Variants in PPM1H observed in about 807,000 individuals in gnomAD.
PPM1H encodes protein phosphatase 1H.
Under a neutral mutation model 54.9 loss-of-function variants are expected in PPM1H, and 27 were observed. That is an observed-to-expected ratio of 0.49 (90% CI 0.36 to 0.68). The LOEUF (loss-of-function observed/expected upper bound fraction) is 0.68, where lower values mean the gene tolerates loss of function less well. Ranked by LOEUF, PPM1H falls within the 30% of genes least tolerant of loss-of-function variation. PPM1H has a pLI of 0.00. For missense variants in PPM1H, 596 were observed against 667.8 expected, an observed-to-expected ratio of 0.89 and a Z score of 1.19; for synonymous variants, 305 against 270.8, an observed-to-expected ratio of 1.13 and a Z score of -1.24.
intron 2 of PPM1H, among the ~76,000 whole-genome samples, chr12:62,816,982 T>A (rs1256950042): frequency 1.3e-5 from 2 of 151,488 alleles, no homozygotes; most frequent in African/African-American, 4.8e-5. Flanking sequence ...CACCCACCAA[T>A]AAGGGGCCTT....
intron 6 of PPM1H, among the ~76,000 whole-genome samples, chr12:62,698,878 T>C (rs2076128314): frequency 6.6e-6 from 1 of 152,204 alleles, no homozygotes; most frequent in Non-Finnish European, 1.5e-5. Context: ...TTGCCCTTAT[T>C]AATTTTATCT....
At chr12:62,698,191 G>C (rs1031981820) in intron 6 of PPM1H, among the ~76,000 whole-genome samples, 7 of 151,912 alleles carry the variant, frequency 4.6e-5, no homozygotes, top group African/African-American at 1.7e-4. Context: ...TACCCCAAGT[G>C]TAGGAATCCC....
At chr12:62,887,616 CTTATT>C (rs374001364) in intron 1 of PPM1H, among the ~76,000 whole-genome samples, 2 of 152,270 alleles carry the variant, frequency 1.3e-5, no homozygotes, top group East Asian at 3.9e-4. Flanking sequence ...TCTCATGGTG[CTTATT>C]TTATTTGTGG....
intron 8 of PPM1H, among the ~76,000 whole-genome samples, chr12:62,669,201 C>T (rs901610528): frequency 2.0e-5 from 3 of 152,344 alleles, no homozygotes; most frequent in South Asian, 4.1e-4. Flanking sequence ...CCTCAGTTTC[C>T]GGCAGACCAG....
intron 2 of PPM1H, among the ~76,000 whole-genome samples, chr12:62,818,441 T>C (rs2076883266): frequency 6.6e-6 from 1 of 152,178 alleles, no homozygotes; most frequent in Non-Finnish European, 1.5e-5. Flanking sequence ...GCTGGTTAAT[T>C]AAAAAGCCTT....
intron 2 of PPM1H, among the ~76,000 whole-genome samples, chr12:62,825,731 C>T (rs972075885): frequency 4.0e-5 from 6 of 151,884 alleles, no homozygotes; most frequent in African/African-American, 4.8e-5. Context: ...AGGGGCCTGT[C>T]GCGGAGTGTG....
At chr12:62,666,929 G>C (rs1036947321) in intron 9 of PPM1H, among the ~76,000 whole-genome samples, 1 of 152,124 alleles carries the variant, frequency 6.6e-6, no homozygotes, top group Non-Finnish European at 1.5e-5. Context: ...GGCCAGGCTG[G>C]TCTAGAACTC....
intron 2 of PPM1H, among the ~76,000 whole-genome samples, chr12:62,813,812 C>T (rs1165443667): frequency 2.0e-5 from 3 of 152,140 alleles, no homozygotes; most frequent in African/African-American, 7.2e-5. Flanking sequence ...CTAATGATAG[C>T]AGGAAGTCTT....
intron 9 of PPM1H, among the ~76,000 whole-genome samples, chr12:62,652,430 A>C (rs1184623434): frequency 6.6e-6 from 1 of 152,224 alleles, no homozygotes; most frequent in Non-Finnish European, 1.5e-5. Context: ...TGGCTAATTA[A>C]AACAAAATCC....
At chr12:62,862,938 A>G (rs1869651598) in intron 1 of PPM1H, among the ~76,000 whole-genome samples, 1 of 152,252 alleles carries the variant, frequency 6.6e-6, no homozygotes, top group South Asian at 2.1e-4. Context: ...GTAGAATAAT[A>G]TCAAATAACC....
chr12:62,774,079 G>A (rs557665109), intron 4 of PPM1H, among the ~76,000 whole-genome samples: 1 of 152,318 alleles, frequency 6.6e-6, no homozygotes, highest in Admixed American at 6.5e-5. Flanking sequence ...AAATAATAGA[G>A]GCAGGTCAGT....
chr12:62,781,168 G>A (rs1307053468), intron 4 of PPM1H, among the ~76,000 whole-genome samples: 1 of 152,202 alleles, frequency 6.6e-6, no homozygotes, highest in African/African-American at 2.4e-5. Flanking sequence ...AGCTACTCAG[G>A]CCTCAGAACT....
At chr12:62,738,143 T>C (rs910239786) in intron 4 of PPM1H, among the ~76,000 whole-genome samples, 1 of 152,172 alleles carries the variant, frequency 6.6e-6, no homozygotes, top group Non-Finnish European at 1.5e-5. Flanking sequence ...TATTTGACAG[T>C]GCAGCTCTAG....
At chr12:62,919,896 GA>G (rs1467198406) in intron 1 of PPM1H, among the ~76,000 whole-genome samples, 1 of 150,480 alleles carries the variant, frequency 6.6e-6, no homozygotes, top group African/African-American at 2.5e-5. Flanking sequence ...ATGGGGAGAA[GA>G]GGACAGGCAG....
intron 4 of PPM1H, among the ~76,000 whole-genome samples, chr12:62,777,611 T>C (rs190793691): frequency 2.4e-4 from 37 of 152,340 alleles, no homozygotes; most frequent in Non-Finnish European, 1.0e-4. Context: ...CTAACAGTTA[T>C]TTCAAATCTT....
intron 8 of PPM1H, among the ~76,000 whole-genome samples, chr12:62,676,199 C>T (rs982089576): frequency 2.0e-5 from 3 of 152,212 alleles, no homozygotes; most frequent in African/African-American, 7.2e-5. Context: ...CTTGAAGGTG[C>T]TGCTTCACAC....
intron 1 of PPM1H, among the ~76,000 whole-genome samples, chr12:62,852,691 G>A (rs992869377): frequency 6.6e-6 from 1 of 152,204 alleles, no homozygotes; most frequent in African/African-American, 2.4e-5. Context: ...TGTCAAAAGA[G>A]TGGTTACGTG....
rs1011515898 is a variant in PPM1H at position 62,934,346 on chromosome 12, T to C, written c.245+146A>G. 26 of 1,172,744 alleles carry C rather than the reference T, an allele frequency of 2.2e-5. 1 individual carries two copies. In the Middle Eastern group the frequency reaches 8.9e-4, roughly 40 times the overall value. The allele number at this position is 1,172,744 out of a possible 1,614,324, so 72.6% of individuals were successfully genotyped here. ...GTGGGGAGAAGAGGGAAATGGCCAGTGTAAGTAAAGAGCTCCCCGCCGAGG... is the reference window on the plus strand; with the variant it reads ...GTGGGGAGAAGAGGGAAATGGCCAGCGTAAGTAAAGAGCTCCCCGCCGAGG... On this transcript the variant is annotated intron_variant, in intron 1 of 9. Transcript: ENST00000228705. This position sits in a 1 kb window ranked among gnomAD's most constrained non-coding sequence, Gnocchi z 4.2.
rs2075788035 is a variant in PPM1H, at chr12:62,646,819, GAATAC to G, written c.*1665_*1669del. The G allele has an allele frequency of 6.6e-6, 1 of 152,166 alleles. No homozygotes were observed. The highest frequency in any genetic ancestry group is 1.5e-5 in the Non-Finnish European group (1 of 68,048). 9.4% of individuals were successfully genotyped at this position (152,166 alleles called of 1,614,324 possible). ...AGCAGGAGGGGCTCCAGGCCTTTTC[GAATAC>G]AATACCGACAACTCCAGAAATGCAG... On this transcript the variant is annotated 3_prime_UTR_variant, in exon 10 of 10. Transcript: ENST00000228705.
Sources: allele counts gnomAD v4.1 joint callset (sites outside exome capture counted in the v4.1 genomes callset), GRCh38; gene constraint gnomAD v4.1.1; non-coding constraint Gnocchi (gnomAD v3.1); transcripts MANE v1.5; gene names NCBI Gene and HGNC (gene_info 2026-07-23, HGNC 2026-07-21).